The following STK32B variants were observed in gnomAD, a reference collection of about 807,000 sequenced individuals.
STK32B encodes the protein serine/threonine-protein kinase 32B.
In STK32B, 43 loss-of-function variants were observed where a neutral mutation model predicts 52.6. That is an observed-to-expected ratio of 0.82 (90% CI 0.64 to 1.05). The LOEUF (loss-of-function observed/expected upper bound fraction) is 1.05. Among genes scored for constraint, STK32B ranks in the 50% least tolerant of loss-of-function variants. The pLI, the probability that STK32B is intolerant of heterozygous loss-of-function variation, is 0.00. For synonymous variants in STK32B, 238 were observed against 204.3 expected (o/e 1.17, Z -1.41); for missense variants, 621 against 534.6 (o/e 1.16, Z -1.59).
chr4:5,129,432 T>C (rs1210567662), intron 1 of STK32B, among the ~76,000 whole-genome samples: 3 of 152,234 alleles, frequency 2.0e-5, no homozygotes, highest in Non-Finnish European at 4.4e-5. Flanking sequence ...TTGTCTCTCT[T>C]GTTCATTGTA....
At chr4:5,143,133 ATCTG>A (rs1215520273) in intron 2 of STK32B, among the ~76,000 whole-genome samples, 1 of 57,796 alleles carries the variant, frequency 1.7e-5, no homozygotes, top group Non-Finnish European at 5.4e-5. Flanking sequence ...CTGTCTGTCT[ATCTG>A]TCTGTCTATC....
chr4:5,355,351 G>T (rs1352870682), intron 4 of STK32B, among the ~76,000 whole-genome samples: 1 of 152,054 alleles, frequency 6.6e-6, no homozygotes, highest in Non-Finnish European at 1.5e-5. Flanking sequence ...CCCTCGTCTG[G>T]CTCCATGCAC....
In STK32B at chr4:5,440,404, TTGTC is replaced by T. The variant is rs1426069617; in HGVS notation, c.563-6265_563-6262del. 7.2e-5 allele frequency among the ~76,000 whole-genome samples: 11 copies of T among 152,258 alleles called. No individual in the cohort carries two copies. The East Asian group carries it at 2.1e-3, about 29-fold the overall frequency. ...GTTCACTCATGATTTGGCACTCTGT[TTGTC>T]TGTTGTTGGTGTGTAAGAATGCTTG... On this transcript the variant is annotated intron_variant, in intron 6 of 11. Coordinates refer to ENST00000282908, the MANE Select transcript of STK32B (RefSeq NM_018401.3).
rs1027290490 is a variant in STK32B, at chr4:5,184,288, G to A, written c.260+15838G>A. Among the ~76,000 whole-genome samples the A allele has an allele frequency of 2.6e-5, 4 of 152,156 alleles. No individual in the cohort carries two copies. In the East Asian group the frequency reaches 5.8e-4, roughly 22 times the overall value. On this transcript the variant is annotated intron_variant, in intron 3 of 11. Coordinates refer to ENST00000282908, the MANE Select transcript of STK32B (RefSeq NM_018401.3). ...GTATTGTTGTGTCTCAGGGAATAGG[G>A]AGACCCAAGGGGAGGGAGTGAGGTA...
chr4:5,276,551 G>A (rs369407920), intron 3 of STK32B, among the ~76,000 whole-genome samples: 3 of 152,112 alleles, frequency 2.0e-5, no homozygotes, highest in African/African-American at 7.2e-5. Context: ...AATACATCAT[G>A]TTGCAGATTC....
intron 6 of STK32B, among the ~76,000 whole-genome samples, chr4:5,443,157 G>A (rs551519050): frequency 6.6e-6 from 1 of 150,478 alleles, no homozygotes; most frequent in South Asian, 2.2e-4. Context: ...GGCCTGCCTT[G>A]CTAGATTGGG....
At chr4:5,347,940 G>C (rs959694107) in intron 4 of STK32B, among the ~76,000 whole-genome samples, 11 of 152,154 alleles carry the variant, frequency 7.2e-5, no homozygotes, top group African/African-American at 2.7e-4. Flanking sequence ...CCAGTCTTAA[G>C]TAGTTCTTTA....
intron 6 of STK32B, among the ~76,000 whole-genome samples, chr4:5,431,977 A>G (rs1245255627): frequency 6.6e-6 from 1 of 152,212 alleles, no homozygotes; most frequent in Non-Finnish European, 1.5e-5. Flanking sequence ...TTGAATCATT[A>G]CCTTGATGAG....
At chr4:5,258,080 G>A (rs7656496) in intron 3 of STK32B, among the ~76,000 whole-genome samples, 28,523 of 152,158 alleles carry the variant, frequency 0.19, 5,850 homozygotes, top group African/African-American at 0.51. Flanking sequence ...TGGATGGCTC[G>A]CTGAATGTTA....
chr4:5,164,024 A>G (rs13143837), intron 2 of STK32B, among the ~76,000 whole-genome samples: 35,162 of 152,126 alleles, frequency 0.23, 4,358 homozygotes, highest in East Asian at 0.29. Context: ...CTGTAGACCC[A>G]TTTCACAGTA....
intron 3 of STK32B, among the ~76,000 whole-genome samples, chr4:5,199,055 A>T (rs1411193476): frequency 1.3e-5 from 2 of 152,168 alleles, no homozygotes; most frequent in Non-Finnish European, 2.9e-5. Context: ...AGCACAACTC[A>T]TTCCCAGGTT....
chr4:5,492,328 T>C (rs1719805508), intron 11 of STK32B, among the ~76,000 whole-genome samples: 2 of 152,152 alleles, frequency 1.3e-5, no homozygotes, highest in African/African-American at 4.8e-5. Flanking sequence ...GGTATTTTAT[T>C]CTCTTTGAAG....
At chr4:5,220,273 C>T (rs1013003708) in intron 3 of STK32B, among the ~76,000 whole-genome samples, 7 of 152,148 alleles carry the variant, frequency 4.6e-5, no homozygotes, top group Non-Finnish European at 1.5e-5. Context: ...GTGCCAGGCA[C>T]GATGATACAT....
intron 3 of STK32B, among the ~76,000 whole-genome samples, chr4:5,226,591 G>A (rs566546492): frequency 6.6e-6 from 1 of 152,138 alleles, no homozygotes; most frequent in Non-Finnish European, 1.5e-5. Context: ...TAGTCACTTA[G>A]GAGCAGTCTT....
intron 3 of STK32B, among the ~76,000 whole-genome samples, chr4:5,226,111 G>A (rs1470749145): frequency 2.0e-5 from 3 of 152,184 alleles, no homozygotes; most frequent in Non-Finnish European, 4.4e-5. Context: ...GTTGTGAAGG[G>A]ATGCACTCAG....
intron 1 of STK32B, among the ~76,000 whole-genome samples, chr4:5,111,129 C>T (rs952633359): frequency 7.2e-5 from 11 of 152,006 alleles, no homozygotes; most frequent in Non-Finnish European, 1.3e-4. Context: ...TTGATGTGGA[C>T]GTGGAGAAAG....
In STK32B at chr4:5,428,798, T is replaced by C. The variant is rs181971923; in HGVS notation, c.562+11864T>C. 1.2e-4 allele frequency among the ~76,000 whole-genome samples: 18 copies of C among 152,332 alleles called. No homozygotes were observed. In the East Asian group the frequency reaches 2.5e-3, roughly 21 times the overall value. On this transcript the variant is annotated intron_variant, in intron 6 of 11. Transcript: ENST00000282908. ...TTCTCTGTTTTTCCTTGCTTTTCATTTAGGATCATTACGTCTTCTTGATAA... is the reference window on the plus strand; with the variant it reads ...TTCTCTGTTTTTCCTTGCTTTTCATCTAGGATCATTACGTCTTCTTGATAA...
chr4:5,056,926 T>C (rs1742030593), intron 1 of STK32B, among the ~76,000 whole-genome samples: 1 of 151,896 alleles, frequency 6.6e-6, no homozygotes, highest in African/African-American at 2.4e-5. Flanking sequence ...AAAACATCCA[T>C]CCCCCCCAAC....
intron 3 of STK32B, among the ~76,000 whole-genome samples, chr4:5,189,014 TAAA>T (rs78002999): frequency 7.0e-6 from 1 of 143,612 alleles, no homozygotes; most frequent in East Asian, 2.0e-4. Context: ...AGGTATAATT[TAAA>T]AAAAAAAAAG....
Sources: gnomAD v4.1 joint callset for allele counts (sites outside exome capture counted in the v4.1 genomes callset) on GRCh38, gnomAD v4.1.1 for gene constraint, MANE v1.5 for transcripts, NCBI Gene and HGNC (gene_info 2026-07-23, HGNC 2026-07-21) for gene names.